VMP1: variants seen among roughly 807,000 people sequenced by gnomAD.
VMP1 encodes ectopic P-granules autophagy protein 3 homolog.
VMP1 carries 11 observed loss-of-function variants against 56.0 expected under a neutral mutation model. That is an observed-to-expected ratio of 0.20 (90% confidence interval 0.12 to 0.32). The LOEUF (loss-of-function observed/expected upper bound fraction) is 0.32. Ranked by LOEUF, VMP1 falls within the 10% of genes least tolerant of loss-of-function variation. VMP1 has a pLI of 1.00. For missense variants in VMP1, 296 were observed against 490.3 expected (o/e 0.60, Z 3.74); for synonymous variants, 149 against 165.0 (o/e 0.90, Z 0.74).
intron 10 of VMP1, among the ~76,000 whole-genome samples, chr17:59,837,405 C>G (rs2039017109): frequency 6.6e-6 from 1 of 152,088 alleles, no homozygotes; most frequent in Admixed American, 6.6e-5. Context: ...TAAGTTGCCC[C>G]AAGCTACCGT....
At chr17:59,838,178 C>A in intron 10 of VMP1, 117 bp from the exon 11 acceptor site, 4 of 395,668 alleles carry the variant, frequency 1.0e-5, no homozygotes, top group East Asian at 5.5e-5. Flanking sequence ...TTTTATTCCT[C>A]TTCCTATCCA....
intron 6 of VMP1, among the ~76,000 whole-genome samples, chr17:59,771,981 C>T (rs2036443982): frequency 6.6e-6 from 1 of 151,882 alleles, no homozygotes; most frequent in Non-Finnish European, 1.5e-5. Flanking sequence ...TAAATGTAGG[C>T]TTAATCTTTT....
intron 5 of VMP1, among the ~76,000 whole-genome samples, chr17:59,743,234 CCT>C (rs2035294905): frequency 6.6e-6 from 1 of 152,040 alleles, no homozygotes; most frequent in African/African-American, 2.4e-5. Context: ...TTAAAAATGC[CCT>C]GTGCTTCACC....
At chr17:59,810,131 C>T (rs534925914) in intron 8 of VMP1, among the ~76,000 whole-genome samples, 2 of 151,964 alleles carry the variant, frequency 1.3e-5, no homozygotes, top group Non-Finnish European at 1.5e-5. Context: ...CTCTGATTTA[C>T]GTATCTTAAA....
At chr17:59,758,449 G>A (rs2035927032) in intron 5 of VMP1, among the ~76,000 whole-genome samples, 1 of 152,130 alleles carries the variant, frequency 6.6e-6, no homozygotes, top group Non-Finnish European at 1.5e-5. Flanking sequence ...TACTTTGGGA[G>A]GCCAAGGCAG....
chr17:59,784,140 T>TGAGA lies in VMP1; in HGVS notation c.714+10256_714+10257insAGAG, dbSNP rs548784981. The stretch of plus-strand genomic sequence containing the variant: ...GTGTGTGTGTGTGTGTGTGTGTGTG[T>TGAGA]GTGAGAGAGAGAGAGAGATTGGAGG... On this transcript the variant is annotated intron_variant, in intron 7 of 11. Coordinates refer to ENST00000262291, the MANE Select transcript of VMP1 (RefSeq NM_030938.5). 2.8e-3 allele frequency among the ~76,000 whole-genome samples: 381 copies of TGAGA among 134,150 alleles called. 3 individuals are homozygous for TGAGA. Among genetic ancestry groups the TGAGA allele is most frequent in the African/African-American group, 8.4e-3 (288 of 34,196 alleles). The allele number at this position is 134,150 out of a possible 152,430, so 88.0% of individuals were successfully genotyped here.
chr17:59,829,216 C>T (rs1401225726), intron 10 of VMP1, among the ~76,000 whole-genome samples: 2 of 54,428 alleles, frequency 3.7e-5, no homozygotes, highest in African/African-American at 7.1e-5. Flanking sequence ...ATAACTAGAT[C>T]CTTTTTTACT....
rs2039161143 is a variant in VMP1, at chr17:59,841,676, A to G, written c.*1765A>G. On this transcript the variant is annotated 3_prime_UTR_variant, in exon 12 of 12. Coordinates refer to ENST00000262291, the MANE Select transcript of VMP1 (RefSeq NM_030938.5). ...AATGCTCTATTTTAGATAGATTAAC[A>G]TTAACCAACATAATTTTTTTTAGAT... 1 of 153,148 alleles carries G rather than the reference A, an allele frequency of 6.5e-6. No homozygotes were observed. The highest frequency in any genetic ancestry group is 1.5e-5 in the Non-Finnish European group (1 of 68,576). The allele number at this position is 153,148 out of a possible 1,614,324, so 9.5% of individuals were successfully genotyped here. A position where few individuals can be genotyped will look rare whatever the true frequency, so the allele number is the denominator to read the frequency against.
At chr17:59,836,552 A>C (rs531693349) in intron 10 of VMP1, among the ~76,000 whole-genome samples, 1 of 151,936 alleles carries the variant, frequency 6.6e-6, no homozygotes, top group Admixed American at 6.6e-5. Flanking sequence ...TCTCCCTCCA[A>C]TTCCTTCGGT....
chr17:59,751,888 C>T (rs1291112904), intron 5 of VMP1, among the ~76,000 whole-genome samples: 4 of 152,028 alleles, frequency 2.6e-5, no homozygotes, highest in African/African-American at 7.2e-5. Flanking sequence ...GAATATGGCC[C>T]GCTGTAGCCT....
intron 7 of VMP1, among the ~76,000 whole-genome samples, chr17:59,790,278 C>G (rs1179986248): frequency 6.6e-6 from 1 of 152,138 alleles, no homozygotes; most frequent in Non-Finnish European, 1.5e-5. Flanking sequence ...ATGAAGAGAT[C>G]TAAAGAAATG....
chr17:59,718,184 CTTTTTTTTTTTTTT>C (rs971095445), intron 1 of VMP1, among the ~76,000 whole-genome samples: 5 of 79,286 alleles, frequency 6.3e-5, no homozygotes, highest in East Asian at 7.3e-4. Flanking sequence ...TCCCTCCCTC[CTTTTTTTTTTTTTT>C]TTTTTTTTTT....
Position 59,735,524 on chromosome 17 carries a change from A to T in VMP1, c.212+51A>T, listed in dbSNP as rs768382110. On this transcript the variant is annotated intron_variant, in intron 3 of 11. Transcript: ENST00000262291. ...TTACATACACCTCATTTACTCATTT[A>T]AAAAATCCTCAGTAATCTCTTACTT... 5 of 1,594,318 alleles carry T rather than the reference A, an allele frequency of 3.1e-6. No individual in the cohort carries two copies. The African/African-American group carries it at 5.4e-5, about 17-fold the overall frequency.
intron 10 of VMP1, among the ~76,000 whole-genome samples, chr17:59,820,043 C>T (rs777069053): frequency 1.1e-4 from 16 of 152,142 alleles, no homozygotes; most frequent in Non-Finnish European, 2.2e-4. Context: ...CAGTCAGTAA[C>T]CTTTTTGAAA....
At chr17:59,711,551 T>C (rs992733061) in intron 1 of VMP1, among the ~76,000 whole-genome samples, 1 of 152,186 alleles carries the variant, frequency 6.6e-6, no homozygotes, top group Non-Finnish European at 1.5e-5. Context: ...TAAGAGCATA[T>C]TGCCTCAAGA....
chr17:59,821,689 A>C (rs1285063524), intron 10 of VMP1, among the ~76,000 whole-genome samples: 1 of 151,224 alleles, frequency 6.6e-6, no homozygotes, highest in Non-Finnish European at 1.5e-5. Context: ...AGCAGCTGGG[A>C]TTATAGGCAT....
At position 59,817,791 on chromosome 17, in the gene VMP1, G is replaced by A. The variant is rs2038297215; in HGVS notation, c.974+18G>A. On this transcript the variant is annotated intron_variant, in intron 10 of 11. Coordinates refer to ENST00000262291, the MANE Select transcript of VMP1 (RefSeq NM_030938.5). ...TTCATTGGGTAAGTAATTCTTCAAGGACTAATATTAATATAATTACTCTTT... is the reference window on the plus strand; with the variant it reads ...TTCATTGGGTAAGTAATTCTTCAAGAACTAATATTAATATAATTACTCTTT... The A allele has an allele frequency of 1.3e-6, 2 of 1,581,124 alleles. No individual in the cohort carries two copies. Among genetic ancestry groups the A allele is most frequent in the African/African-American group, 2.7e-5 (2 of 73,728 alleles).
chr17:59,727,246 T>A (rs1193012666), intron 1 of VMP1, among the ~76,000 whole-genome samples: 1 of 152,062 alleles, frequency 6.6e-6, no homozygotes, highest in Non-Finnish European at 1.5e-5. Context: ...GCCGTTCTCC[T>A]GCCTCAGCCT....
At chr17:59,754,164 C>A (rs1228695478) in intron 5 of VMP1, among the ~76,000 whole-genome samples, 1 of 151,994 alleles carries the variant, frequency 6.6e-6, no homozygotes, top group African/African-American at 2.4e-5. Flanking sequence ...CCCTGAAGTA[C>A]AGGTCAATTG....
Sources: allele counts gnomAD v4.1 joint callset (sites outside exome capture counted in the v4.1 genomes callset), GRCh38; gene constraint gnomAD v4.1.1; transcripts MANE v1.5; gene names NCBI Gene and HGNC (gene_info 2026-07-23, HGNC 2026-07-21).